ANO3: variants seen among roughly 807,000 people sequenced by gnomAD.
The protein encoded by ANO3 is anoctamin-3.
In ANO3, 99 loss-of-function variants were observed where a neutral mutation model predicts 144.8. That is an observed-to-expected ratio of 0.68 (90% CI 0.58 to 0.81). The LOEUF is 0.81. Among genes scored for constraint, ANO3 ranks in the 30% least tolerant of loss-of-function variants. The pLI is 0.00. For synonymous variants in ANO3, 414 were observed against 392.6 expected (o/e 1.05, Z -0.64); for missense variants, 905 against 1,202.2 (o/e 0.75, Z 3.66).
chr11:26,314,148 A>G (rs929845258), intron 1 of ANO3, among the ~76,000 whole-genome samples: 1 of 152,116 alleles, frequency 6.6e-6, no homozygotes. Context: ...TGAAATGGAA[A>G]TTGCTCGCCA....
At chr11:26,198,941 G>A (rs1374918146) in intron 1 of ANO3, among the ~76,000 whole-genome samples, 1 of 152,138 alleles carries the variant, frequency 6.6e-6, no homozygotes, top group Admixed American at 6.5e-5. Context: ...CAGTTTTTGT[G>A]GATGGCAGCA....
chr11:26,628,326 C>T (rs1364697244), intron 18 of ANO3, among the ~76,000 whole-genome samples: 1 of 152,080 alleles, frequency 6.6e-6, no homozygotes, highest in East Asian at 1.9e-4. Context: ...CTATTAATTC[C>T]AAGAAACAGA....
intron 18 of ANO3, 124 bp from the exon 19 acceptor site, chr11:26,634,080 C>CAAAAAAAAAAA: frequency 2.8e-6 from 1 of 355,726 alleles, no homozygotes; most frequent in Non-Finnish European, 4.8e-6. Flanking sequence ...ACTCCATTTC[C>CAAAAAAAAAAA]AAAAAAAAAA....
intron 1 of ANO3, among the ~76,000 whole-genome samples, chr11:26,276,052 G>A (rs1291662140): frequency 6.6e-6 from 1 of 152,150 alleles, no homozygotes; most frequent in Non-Finnish European, 1.5e-5. Context: ...AAATATGGGT[G>A]TTCTGCACAA....
intron 1 of ANO3, among the ~76,000 whole-genome samples, chr11:26,357,061 G>C (rs1855802734): frequency 6.6e-6 from 1 of 152,176 alleles, no homozygotes; most frequent in Non-Finnish European, 1.5e-5. Context: ...GGTTTTGGGA[G>C]TTAGGACTTG....
chr11:26,520,597 A>T (rs2134159039), intron 6 of ANO3, among the ~76,000 whole-genome samples: 1 of 152,270 alleles, frequency 6.6e-6, no homozygotes. Context: ...GTTCAACAGG[A>T]TCTTAAAAGA....
At chr11:26,395,237 A>G (rs936317900) in intron 1 of ANO3, among the ~76,000 whole-genome samples, 10 of 152,136 alleles carry the variant, frequency 6.6e-5, no homozygotes, top group African/African-American at 2.4e-4. Flanking sequence ...CTTTTTACTT[A>G]GGATTGTCTT....
At chr11:26,194,716 C>T (rs373216448) in intron 1 of ANO3, among the ~76,000 whole-genome samples, 1 of 151,614 alleles carries the variant, frequency 6.6e-6, no homozygotes, top group African/African-American at 2.4e-5. Context: ...AGGCTCATAC[C>T]ACCACACCTG....
intron 1 of ANO3, among the ~76,000 whole-genome samples, chr11:26,315,163 A>G (rs1470852356): frequency 2.6e-5 from 4 of 152,106 alleles, no homozygotes; most frequent in East Asian, 3.9e-4. Context: ...AGAGCAATTC[A>G]TCTTGTTTTC....
chr11:26,600,318 C>T (rs1851760473), intron 17 of ANO3, among the ~76,000 whole-genome samples: 1 of 82,566 alleles, frequency 1.2e-5, no homozygotes, highest in African/African-American at 4.7e-5. Context: ...CCTCTCCTCT[C>T]CCCTCCCGTC....
intron 1 of ANO3, among the ~76,000 whole-genome samples, chr11:26,341,667 C>A (rs1442419209): frequency 2.0e-5 from 3 of 152,130 alleles, no homozygotes; most frequent in African/African-American, 7.2e-5. Flanking sequence ...GGTAAAGTCC[C>A]ATGATAGGCC....
intron 1 of ANO3, 129 bp downstream of exon 1, chr11:26,332,450 A>C: frequency 1.1e-6 from 1 of 889,562 alleles, no homozygotes; most frequent in South Asian, 1.6e-5. Context: ...AAGTTAAAAA[A>C]AAAAAAAAAA....
At chr11:26,515,083 A>C (rs962579720) in intron 5 of ANO3, among the ~76,000 whole-genome samples, 1 of 152,172 alleles carries the variant, frequency 6.6e-6, no homozygotes, top group African/African-American at 2.4e-5. Context: ...GTCTGAATTC[A>C]AAGACCTATA....
chr11:26,530,817 C>A (rs1230171940), intron 7 of ANO3, among the ~76,000 whole-genome samples: 1 of 151,938 alleles, frequency 6.6e-6, no homozygotes, highest in Non-Finnish European at 1.5e-5. Context: ...TGCAGTGAGC[C>A]AAGATTGCAC....
intron 18 of ANO3, among the ~76,000 whole-genome samples, chr11:26,633,328 T>A (rs1852845782): frequency 6.6e-6 from 1 of 152,194 alleles, no homozygotes; most frequent in Admixed American, 6.5e-5. Flanking sequence ...AAATCCCTTA[T>A]TCTATAGATG....
At chr11:26,509,380 A>T (rs1222568683) in intron 5 of ANO3, among the ~76,000 whole-genome samples, 2 of 151,640 alleles carry the variant, frequency 1.3e-5, no homozygotes, top group African/African-American at 4.8e-5. Context: ...CAGTGGCGCG[A>T]TCTTGGCTTA....
At chr11:26,478,102 G>A (rs184128899) in intron 4 of ANO3, among the ~76,000 whole-genome samples, 8 of 152,184 alleles carry the variant, frequency 5.3e-5, no homozygotes, top group East Asian at 1.9e-4. Flanking sequence ...GAATAAATAG[G>A]GGAATATAAA....
Position 26,599,700 on chromosome 11 carries a change from A to T in ANO3, c.1822A>T (p.Met608Leu). Residue 608 changes from methionine to leucine, a missense_variant, in exon 17 of 27, where the codon ATG becomes TTG. This residue lies in a region of ANO3 where 597 missense variants were observed against 865.1 expected (regional missense o/e 0.69). Coordinates refer to ENST00000256737, the MANE Select transcript of ANO3 (RefSeq NM_031418.4). The stretch of plus-strand genomic sequence containing the variant: ...TGTCTGTATCAATTTCATAATCATT[A>T]TGTTGCTGAATCTTGTAAGTGTCTA... ...AAVCINFIIIMLLNLAYEKIA... is the reference protein window; with the variant it reads ...AAVCINFIIILLLNLAYEKIA... 1 of 1,613,886 alleles carries T rather than the reference A, an allele frequency of 6.2e-7. No individual in the cohort carries two copies. The highest frequency in any genetic ancestry group is 8.5e-7 in the Non-Finnish European group (1 of 1,179,892).
At chr11:26,461,118 G>C (rs148917295) in intron 3 of ANO3, among the ~76,000 whole-genome samples, 3 of 152,068 alleles carry the variant, frequency 2.0e-5, no homozygotes, top group African/African-American at 7.2e-5. Context: ...GAGAGCAAGC[G>C]AGCGAGCGCG....
Sources: gnomAD v4.1 joint callset for allele counts (sites outside exome capture counted in the v4.1 genomes callset) on GRCh38, gnomAD v4.1.1 for gene constraint, gnomAD v4.1.1 regional missense constraint, MANE v1.5 for transcripts, NCBI Gene and HGNC (gene_info 2026-07-23, HGNC 2026-07-21) for gene names.